Variants in PAQR8 observed in about 807,000 individuals in gnomAD.
The protein encoded by PAQR8 is progestin and adipoQ receptor family member 8.
In PAQR8, 17 loss-of-function variants were observed where a neutral mutation model predicts 25.2. The observed-to-expected ratio is 0.67, with a 90% CI of 0.46 to 1.01. The LOEUF (loss-of-function observed/expected upper bound fraction) is 1.01. Among genes scored for constraint, PAQR8 ranks in the 50% least tolerant of loss-of-function variants. The pLI, the probability that PAQR8 is intolerant of heterozygous loss-of-function variation, is 0.00. For synonymous variants in PAQR8, 204 were observed against 190.6 expected (o/e 1.07, Z -0.58); for missense variants, 392 against 448.4 (o/e 0.87, Z 1.14).
At chr6:52,368,517 T>C (rs1352461856) in intron 1 of PAQR8, among the ~76,000 whole-genome samples, 2 of 152,184 alleles carry the variant, frequency 1.3e-5, no homozygotes, top group African/African-American at 4.8e-5. Flanking sequence ...ATTAAAAATA[T>C]CTAAGTAACG....
chr6:52,405,220 G>C lies in PAQR8; in HGVS notation c.*942G>C, dbSNP rs886066200. The stretch of plus-strand genomic sequence containing the variant: ...GACCAGCATGTTTTAAAAGCTCTTG[G>C]TAGGATTAGTTGGTTCTAAGGATCC... On this transcript the variant is annotated 3_prime_UTR_variant, in exon 2 of 2. Coordinates refer to ENST00000442253, the MANE Select transcript of PAQR8 (RefSeq NM_133367.5). 1 of 166,832 alleles carries C rather than the reference G, an allele frequency of 6.0e-6. No homozygotes were observed. The highest frequency in any genetic ancestry group is 1.5e-5 in the Non-Finnish European group (1 of 68,122). 10.3% of individuals were successfully genotyped at this position (166,832 alleles called of 1,614,324 possible).
At chr6:52,391,989 C>T (rs1413817795) in intron 1 of PAQR8, among the ~76,000 whole-genome samples, 4 of 152,146 alleles carry the variant, frequency 2.6e-5, no homozygotes, top group African/African-American at 9.7e-5. Context: ...AGATGAATTA[C>T]AGAATTTTAC....
intron 1 of PAQR8, among the ~76,000 whole-genome samples, chr6:52,374,084 C>A (rs1468205535): frequency 6.6e-6 from 1 of 152,222 alleles, no homozygotes; most frequent in African/African-American, 2.4e-5. Context: ...ACTTGCTCCC[C>A]CTTTGCCTTC....
chr6:52,394,295 CTG>C, intron 1 of PAQR8, among the ~76,000 whole-genome samples: 1 of 152,298 alleles, frequency 6.6e-6, no homozygotes, highest in Non-Finnish European at 1.5e-5. Flanking sequence ...CGTATTTTTA[CTG>C]TGTTTTCAGG....
chr6:52,364,088 T>TTTTTTTTTG (rs1763324153), intron 1 of PAQR8, among the ~76,000 whole-genome samples: 1 of 142,666 alleles, frequency 7.0e-6, no homozygotes, highest in Admixed American at 7.1e-5. Flanking sequence ...GATATGTTTT[T>TTTTTTTTTG]TTTTTTTTTT....
At chr6:52,379,903 A>C (rs532441728) in intron 1 of PAQR8, among the ~76,000 whole-genome samples, 22 of 152,240 alleles carry the variant, frequency 1.4e-4, no homozygotes, top group Admixed American at 1.0e-3. Context: ...CTGGGATTAC[A>C]GGCGTGAGCC....
intron 1 of PAQR8, among the ~76,000 whole-genome samples, chr6:52,396,843 T>TG (rs1373768023): frequency 1.3e-5 from 2 of 152,154 alleles, no homozygotes; most frequent in Non-Finnish European, 2.9e-5. Context: ...GAAGTGCCCA[T>TG]GGGGGACATT....
intron 1 of PAQR8, among the ~76,000 whole-genome samples, chr6:52,366,922 G>C (rs55643703): frequency 0.083 from 12,573 of 152,024 alleles, 712 homozygotes; most frequent in African/African-American, 0.14. Flanking sequence ...GCTAATTTTT[G>C]TATTTTTGTA....
At chr6:52,376,027 G>A (rs1763481268) in intron 1 of PAQR8, among the ~76,000 whole-genome samples, 1 of 152,236 alleles carries the variant, frequency 6.6e-6, no homozygotes, top group Non-Finnish European at 1.5e-5. Flanking sequence ...TATAGCAGTT[G>A]TATTAAACTG....
At chr6:52,402,528 A>C (rs1581798944) in intron 1 of PAQR8, among the ~76,000 whole-genome samples, 1 of 150,828 alleles carries the variant, frequency 6.6e-6, no homozygotes, top group East Asian at 1.9e-4. Flanking sequence ...GAGGCAGGAG[A>C]ATTGCTTGAA....
rs1231773752 is a variant in PAQR8, at chr6:52,406,336, TG to T, written c.*2059del. 1.2e-5 allele frequency: 5 copies of T among 410,876 alleles called. No individual in the cohort carries two copies. Among genetic ancestry groups the T allele is most frequent in the African/African-American group, 1.0e-4 (5 of 48,580 alleles). 25.5% of individuals were successfully genotyped at this position (410,876 alleles called of 1,614,324 possible). Reference sequence around the variant, plus strand: ...GGGAAGAAGGTGTAAGTCAAGCTCTTGAATATAACTGGTGGTATTGTGGGCA... The same window carrying T: ...GGGAAGAAGGTGTAAGTCAAGCTCTTAATATAACTGGTGGTATTGTGGGCA... On this transcript the variant is annotated 3_prime_UTR_variant, in exon 2 of 2. Coordinates refer to ENST00000442253, the MANE Select transcript of PAQR8 (RefSeq NM_133367.5).
chr6:52,364,081 A>ATTTTTTTTT (rs1581786362), intron 1 of PAQR8, among the ~76,000 whole-genome samples: 50 of 39,026 alleles, frequency 1.3e-3, no homozygotes, highest in Admixed American at 2.8e-3. Flanking sequence ...ATTGAAAGAT[A>ATTTTTTTTT]TGTTTTTTTT....
intron 1 of PAQR8, among the ~76,000 whole-genome samples, chr6:52,370,497 T>C (rs529974955): frequency 1.7e-4 from 26 of 152,026 alleles, no homozygotes; most frequent in Non-Finnish European, 2.5e-4. Flanking sequence ...TTTTTTTCCA[T>C]GAAGGAGAAA....
chr6:52,396,145 T>C (rs1206591425), intron 1 of PAQR8, among the ~76,000 whole-genome samples: 2 of 152,102 alleles, frequency 1.3e-5, no homozygotes, highest in Non-Finnish European at 2.9e-5. Context: ...GGAAAGTAAG[T>C]GGAGTAAACA....
chr6:52,371,741 C>T (rs1170953343), intron 1 of PAQR8, among the ~76,000 whole-genome samples: 1 of 152,136 alleles, frequency 6.6e-6, no homozygotes, highest in Non-Finnish European at 1.5e-5. Flanking sequence ...TCACTGTGTG[C>T]CAGGCATTGT....
At chr6:52,377,367 C>G (rs1271727274) in intron 1 of PAQR8, among the ~76,000 whole-genome samples, 1 of 152,058 alleles carries the variant, frequency 6.6e-6, no homozygotes, top group Non-Finnish European at 1.5e-5. Flanking sequence ...TGATGGGACT[C>G]AGGCTTGGAC....
rs955012845 is a variant in PAQR8 at position 52,372,169 on chromosome 6, C to T, written c.-53+9920C>T. On this transcript the variant is annotated intron_variant, in intron 1 of 1. Coordinates refer to ENST00000442253, the MANE Select transcript of PAQR8 (RefSeq NM_133367.5). ...CATACATGTCTGTCAGGCAGCTGCA[C>T]GAGCCATTAAAACTTGGAAATGCTT... 2.6e-5 allele frequency among the ~76,000 whole-genome samples: 4 copies of T among 151,264 alleles called. No homozygotes were observed. The South Asian group carries it at 6.2e-4, about 24-fold the overall frequency.
intron 1 of PAQR8, among the ~76,000 whole-genome samples, chr6:52,393,485 G>A (rs996140166): frequency 6.6e-6 from 1 of 151,780 alleles, no homozygotes; most frequent in African/African-American, 2.4e-5. Flanking sequence ...ACAGGTGTGC[G>A]CCACCATGCC....
chr6:52,380,617 T>C (rs4712006), intron 1 of PAQR8, among the ~76,000 whole-genome samples: 52,397 of 152,110 alleles, frequency 0.34, 9,385 homozygotes, highest in Admixed American at 0.47. Flanking sequence ...TGAGAAGTTG[T>C]GGTGCCTTGG....
Sources: gnomAD v4.1 joint callset for allele counts (sites outside exome capture counted in the v4.1 genomes callset) on GRCh38, gnomAD v4.1.1 for gene constraint, MANE v1.5 for transcripts, NCBI Gene and HGNC (gene_info 2026-07-23, HGNC 2026-07-21) for gene names.